ORMDL3: variants seen among roughly 807,000 people sequenced by gnomAD.
ORMDL3 encodes the protein ORM1-like protein 3.
In ORMDL3, 6 loss-of-function variants were observed where a neutral mutation model predicts 12.6. The observed-to-expected ratio is 0.48, with a 90% CI of 0.26 to 0.94. The LOEUF is 0.94. Ranked by LOEUF, ORMDL3 falls within the 40% of genes least tolerant of loss-of-function variation. The pLI, the probability that ORMDL3 is intolerant of heterozygous loss-of-function variation, is 0.14. For synonymous variants in ORMDL3, 99 were observed against 87.2 expected, an observed-to-expected ratio of 1.14 and a Z score of -0.75; for missense variants, 159 against 205.5, an observed-to-expected ratio of 0.77 and a Z score of 1.38.
chr17:39,927,109 G>T (rs35739333), intron 1 of ORMDL3: 31 of 696,578 alleles, frequency 4.5e-5, no homozygotes, highest in Non-Finnish European at 5.1e-5. Context: ...TGCGGGGCCG[G>T]GGGGAGGGGT....
intron 3 of ORMDL3, 41 bp from the exon 4 acceptor site, chr17:39,922,726 G>T: frequency 6.3e-7 from 1 of 1,598,906 alleles, no homozygotes; most frequent in Non-Finnish European, 8.5e-7. Context: ...AAGACTGTTG[G>T]GAGGACCCCT....
rs1412364594 is a variant in ORMDL3 at position 39,923,109 on chromosome 17, C to G, written c.326+3G>C. ...GGTGTCTTCCTGTAGCCCAGGCACT[C>G]ACAGCACGATGGGTGTGATGGTCAA... is the stretch of plus-strand genomic sequence containing the variant. On this transcript the variant is annotated splice_donor_region_variant and intron_variant, in intron 3 of 3. Coordinates refer to ENST00000304046, the MANE Select transcript of ORMDL3 (RefSeq NM_139280.4). The G allele has an allele frequency of 6.2e-7, 1 of 1,614,124 alleles. No individual in the cohort carries two copies. Among genetic ancestry groups the G allele is most frequent in the Admixed American group, 1.7e-5 (1 of 60,026 alleles).
chr17:39,926,794 G>A, intron 1 of ORMDL3: 1 of 986,242 alleles, frequency 1.0e-6, no homozygotes, highest in Non-Finnish European at 1.2e-6. Flanking sequence ...CCCCAGGAAA[G>A]AGCAGCCCTC....
At chr17:39,925,745 C>T (rs1175036508) in intron 1 of ORMDL3, 1 of 152,256 alleles carries the variant, frequency 6.6e-6, no homozygotes, top group Non-Finnish European at 1.5e-5. Flanking sequence ...CACAACACGC[C>T]ATCCCAACAA....
At chr17:39,927,421 G>A (rs1027805170) in intron 1 of ORMDL3, 63 bp downstream of exon 1, 2 of 984,632 alleles carry the variant, frequency 2.0e-6, no homozygotes, top group African/African-American at 3.5e-5. Context: ...CTCCCCAGCA[G>A]CCCCCACCTT....
Position 39,921,447 on chromosome 17 carries a change from C to G in ORMDL3, c.*1103G>C, listed in dbSNP as rs1437745597. On this transcript the variant is annotated 3_prime_UTR_variant, in exon 4 of 4. Transcript: ENST00000304046. ...ACAGACCCCACATGGGGTGGCCTCA[C>G]AACGCCACATGTGGCTGCCACATGA... The G allele has an allele frequency of 6.6e-6, 1 of 152,478 alleles. No individual in the cohort carries two copies. The highest frequency in any genetic ancestry group is 1.5e-5 in the Non-Finnish European group (1 of 68,138). 9.4% of individuals were successfully genotyped at this position (152,478 alleles called of 1,614,324 possible). A position where few individuals can be genotyped will look rare whatever the true frequency, so the allele number is the denominator to read the frequency against.
At position 39,927,523 on chromosome 17, in the gene ORMDL3, G is replaced by T. The variant is rs1170348684; in HGVS notation, c.-62C>A. 7.1e-6 allele frequency: 7 copies of T among 985,284 alleles called. No homozygotes were observed. The highest frequency in any genetic ancestry group is 6.1e-5 in the Admixed American group (1 of 16,274). The allele number at this position is 985,284 out of a possible 1,614,324, so 61.0% of individuals were successfully genotyped here. A position where few individuals can be genotyped will look rare whatever the true frequency, so the allele number is the denominator to read the frequency against. ...GATCAACGGCCCGGGAACGGTTCCC[G>T]GGAGCGGGGGCCGCTGCTGCTCCAG... is the stretch of plus-strand genomic sequence containing the variant. On this transcript the variant is annotated 5_prime_UTR_variant, in exon 1 of 4. Coordinates refer to ENST00000304046, the MANE Select transcript of ORMDL3 (RefSeq NM_139280.4).
chr17:39,927,582 C>G lies in ORMDL3; in HGVS notation c.-121G>C. 5 of 985,712 alleles carry G rather than the reference C, an allele frequency of 5.1e-6. No homozygotes were observed. The highest frequency in any genetic ancestry group is 4.8e-6 in the Non-Finnish European group (4 of 830,106). The allele number at this position is 985,712 out of a possible 1,614,324, so 61.1% of individuals were successfully genotyped here. On this transcript the variant is annotated 5_prime_UTR_variant, in exon 1 of 4. Coordinates refer to ENST00000304046, the MANE Select transcript of ORMDL3 (RefSeq NM_139280.4). ...ACAACCCGCGGCTGCAGCCTCCCCG[C>G]TGGCAGCTCCGGCCGAATCAGCGCT...
At position 39,927,520 on chromosome 17, in the gene ORMDL3, C is replaced by T; in HGVS notation, c.-59G>A. Reference sequence around the variant, plus strand: ...GAAGATCAACGGCCCGGGAACGGTTCCCGGGAGCGGGGGCCGCTGCTGCTC... The same window carrying T: ...GAAGATCAACGGCCCGGGAACGGTTTCCGGGAGCGGGGGCCGCTGCTGCTC... On this transcript the variant is annotated 5_prime_UTR_variant, in exon 1 of 4. Transcript: ENST00000304046. 1 of 985,458 alleles carries T rather than the reference C, an allele frequency of 1.0e-6. No individual in the cohort carries two copies. Among genetic ancestry groups the T allele is most frequent in the Non-Finnish European group, 1.2e-6 (1 of 829,952 alleles). 61.0% of individuals were successfully genotyped at this position (985,458 alleles called of 1,614,324 possible).
intron 2 of ORMDL3, 149 bp from the exon 3 acceptor site, chr17:39,923,412 C>G (rs1466288889): frequency 1.1e-6 from 1 of 876,010 alleles, no homozygotes; most frequent in African/African-American, 1.7e-5. Context: ...CAGGATGGAG[C>G]AGCTGGGAGT....
intron 1 of ORMDL3, 121 bp downstream of exon 1, chr17:39,927,363 C>T: frequency 1.5e-6 from 1 of 672,822 alleles, no homozygotes; most frequent in Non-Finnish European, 1.8e-6. Context: ...CTGATGCACT[C>T]CCTCCACCCC....
chr17:39,923,336 A>T, intron 2 of ORMDL3, 73 bp from the exon 3 acceptor site: 1 of 1,522,284 alleles, frequency 6.6e-7, no homozygotes, highest in South Asian at 1.2e-5. Context: ...ACCCAGTCAC[A>T]GACACAAGTA....
chr17:39,924,025 C>A lies in ORMDL3; in HGVS notation c.174+5G>T. 6.3e-7 allele frequency: 1 copy of A among 1,596,562 alleles called. No individual in the cohort carries two copies. Among genetic ancestry groups the A allele is most frequent in the Non-Finnish European group, 8.5e-7 (1 of 1,170,214 alleles). ...GGCAGGGGCAGGCAGCAGACAGGCT[C>A]TCACCATGTTGTGAATGAGGTTGGT... On this transcript the variant is annotated splice_donor_5th_base_variant and intron_variant, in intron 2 of 3. Transcript: ENST00000304046.
At chr17:39,923,542 AG>A (rs1202508897) in intron 2 of ORMDL3, among the ~76,000 whole-genome samples, 3 of 151,812 alleles carry the variant, frequency 2.0e-5, no homozygotes, top group Admixed American at 2.0e-4. Flanking sequence ...GGCCACTCAT[AG>A]CCCCCTGTGC....
At chr17:39,926,702 G>A (rs537756685) in intron 1 of ORMDL3, 5 of 815,460 alleles carry the variant, frequency 6.1e-6, no homozygotes, top group East Asian at 1.3e-4. Context: ...ACAAATATCC[G>A]GGCCCAGCCA....
intron 3 of ORMDL3, 150 bp downstream of exon 3, chr17:39,922,962 T>C: frequency 8.7e-7 from 1 of 1,143,462 alleles, no homozygotes. Flanking sequence ...GCCCAAAGCC[T>C]GAGTCCAGTG....
chr17:39,926,931 C>T, intron 1 of ORMDL3: 1 of 986,022 alleles, frequency 1.0e-6, no homozygotes, highest in Non-Finnish European at 1.2e-6. Flanking sequence ...CCCCAAGCTG[C>T]AGGACCACAG....
intron 1 of ORMDL3, 75 bp downstream of exon 1, chr17:39,927,409 G>C: frequency 1.0e-6 from 1 of 982,040 alleles, no homozygotes; most frequent in South Asian, 4.7e-5. Flanking sequence ...AGCCCGGGGC[G>C]CCTCCCCAGC....
chr17:39,926,798 A>G lies in ORMDL3; in HGVS notation c.-23+686T>C, dbSNP rs9900885. ...CCCATTCCCTCCCCCAGGAAAGAGC[A>G]GCCCTCACAACAGCAAACCTCCTGT... On this transcript the variant is annotated intron_variant, in intron 1 of 3. Coordinates refer to ENST00000304046, the MANE Select transcript of ORMDL3 (RefSeq NM_139280.4). 981 of 986,156 alleles carry G rather than the reference A, an allele frequency of 9.9e-4. 6 individuals carry two copies. The African/African-American group carries it at 0.016, about 16-fold the overall frequency. 61.1% of individuals were successfully genotyped at this position (986,156 alleles called of 1,614,324 possible).
Sources: gnomAD v4.1 joint callset for allele counts (sites outside exome capture counted in the v4.1 genomes callset) on GRCh38, gnomAD v4.1.1 for gene constraint, MANE v1.5 for transcripts, NCBI Gene and HGNC (gene_info 2026-07-23, HGNC 2026-07-21) for gene names.